The following IGSF11 variants were observed in gnomAD, a reference collection of about 807,000 sequenced individuals.
The protein encoded by IGSF11 is CXADR like 1.
A neutral mutation model predicts 41.0 loss-of-function variants in IGSF11; 22 were observed. The ratio of observed to expected loss-of-function variants is 0.54; its 90% CI spans 0.38 to 0.77. The LOEUF is 0.77. Ranked by LOEUF, IGSF11 falls within the 30% of genes least tolerant of loss-of-function variation. The pLI, the probability that IGSF11 is intolerant of heterozygous loss-of-function variation, is 0.00. For synonymous variants in IGSF11, 219 were observed against 201.3 expected (o/e 1.09, Z -0.74); for missense variants, 444 against 530.8 (o/e 0.84, Z 1.61).
At chr3:119,132,146 A>G in intron 1 of IGSF11, among the ~76,000 whole-genome samples, 1 of 152,184 alleles carries the variant, frequency 6.6e-6, no homozygotes, top group East Asian at 1.9e-4. Flanking sequence ...GTATCAATTA[A>G]TGGAAAAAAT....
At chr3:118,963,537 T>C (rs756870480) in intron 1 of IGSF11, among the ~76,000 whole-genome samples, 2 of 152,132 alleles carry the variant, frequency 1.3e-5, no homozygotes, top group Non-Finnish European at 2.9e-5. Context: ...TGTTCATAGA[T>C]AGCTAAGAGA....
At chr3:118,987,904 A>G (rs1213537639) in intron 1 of IGSF11, among the ~76,000 whole-genome samples, 1 of 152,236 alleles carries the variant, frequency 6.6e-6, no homozygotes, top group African/African-American at 2.4e-5. Context: ...ACACATGCAT[A>G]TGACTGATCA....
chr3:118,908,133 C>G (rs1939840607), intron 4 of IGSF11, among the ~76,000 whole-genome samples: 1 of 152,126 alleles, frequency 6.6e-6, no homozygotes, highest in African/African-American at 2.4e-5. Context: ...ATTTTGTTGA[C>G]ATTTCCAGAG....
At chr3:119,007,559 T>C (rs1937588191) in intron 1 of IGSF11, among the ~76,000 whole-genome samples, 1 of 152,166 alleles carries the variant, frequency 6.6e-6, no homozygotes, top group Non-Finnish European at 1.5e-5. Context: ...TCATTTTTTA[T>C]CTTTATTAGA....
chr3:119,076,768 GC>G lies in IGSF11; in HGVS notation c.49+28375del, dbSNP rs1269778290. ...ATTAAAAAGTCAGGAAACAACAGGT[GC>G]TGGAGAGGATGTGGAGAAATAGGAA... On this transcript the variant is annotated intron_variant, in intron 1 of 6. Transcript: ENST00000354673. Among the ~76,000 whole-genome samples the G allele has an allele frequency of 1.1e-4, 17 of 152,052 alleles. No homozygotes were observed. The East Asian group carries it at 3.3e-3, about 29-fold the overall frequency.
chr3:119,091,381 C>G (rs1359692704), intron 1 of IGSF11, among the ~76,000 whole-genome samples: 1 of 152,200 alleles, frequency 6.6e-6, no homozygotes, highest in Non-Finnish European at 1.5e-5. Flanking sequence ...ACAGATACTT[C>G]TGCCAAAAAG....
chr3:118,945,957 C>T (rs1176036705), intron 1 of IGSF11: 1 of 151,984 alleles, frequency 6.6e-6, no homozygotes, highest in Non-Finnish European at 1.5e-5. Flanking sequence ...TAGCATCAAA[C>T]CATCTTCCCG....
At position 118,973,747 on chromosome 3, in the gene IGSF11, G is replaced by A. The variant is rs1933719505; in HGVS notation, c.53-43472C>T. ...ATTTAAGACTTAGAGAACCAAGGAGGTTTCCAAACAAGAGCAATCATATGT... is the reference window on the plus strand; with the variant it reads ...ATTTAAGACTTAGAGAACCAAGGAGATTTCCAAACAAGAGCAATCATATGT... On this transcript the variant is annotated intron_variant, in intron 1 of 6. Transcript: ENST00000393775. 2.0e-5 allele frequency among the ~76,000 whole-genome samples: 3 copies of A among 152,192 alleles called. No homozygotes were observed. In the South Asian group the frequency reaches 6.2e-4, roughly 32 times the overall value.
At chr3:119,042,583 C>A (rs1343471344) in intron 1 of IGSF11, among the ~76,000 whole-genome samples, 1 of 152,108 alleles carries the variant, frequency 6.6e-6, no homozygotes, top group Non-Finnish European at 1.5e-5. Flanking sequence ...GCCTGGGAAC[C>A]ACCTCCTACC....
chr3:118,970,245 C>A (rs555972337), intron 1 of IGSF11, among the ~76,000 whole-genome samples: 1 of 152,078 alleles, frequency 6.6e-6, no homozygotes, highest in Non-Finnish European at 1.5e-5. Context: ...AAGAGATATG[C>A]TACGTTTGTC....
At chr3:119,106,213 C>G (rs76099427), upstream of IGSF11, among the ~76,000 whole-genome samples, 5,631 of 152,186 alleles carry the variant, frequency 0.037, 151 homozygotes, top group East Asian at 0.067. Flanking sequence ...TCAAACAATC[C>G]ATTTATACTT....
intron 1 of IGSF11, among the ~76,000 whole-genome samples, chr3:119,018,442 C>T (rs543784389): frequency 1.3e-5 from 2 of 152,328 alleles, no homozygotes; most frequent in South Asian, 4.1e-4. Flanking sequence ...AAAATCACCA[C>T]AAAGGTAAAT....
At chr3:119,006,503 C>G (rs1249726380) in intron 1 of IGSF11, among the ~76,000 whole-genome samples, 1 of 131,528 alleles carries the variant, frequency 7.6e-6, no homozygotes, top group Non-Finnish European at 1.6e-5. Flanking sequence ...TCCGTTGCTG[C>G]TGAGGAACTG....
chr3:118,930,059 C>T (rs749795105), intron 2 of IGSF11, 53 bp downstream of exon 2: 4 of 1,538,370 alleles, frequency 2.6e-6, no homozygotes, highest in Non-Finnish European at 1.8e-6. Flanking sequence ...CCCTACCAAC[C>T]TCCTCTGAAA....
intron 1 of IGSF11, among the ~76,000 whole-genome samples, chr3:119,032,293 T>C (rs532974888): frequency 2.0e-5 from 3 of 152,310 alleles, no homozygotes; most frequent in African/African-American, 7.2e-5. Context: ...TTGAAAATTC[T>C]GGGGATGAGC....
intron 1 of IGSF11, among the ~76,000 whole-genome samples, chr3:119,104,073 C>T (rs1559869047): frequency 6.6e-6 from 1 of 152,164 alleles, no homozygotes; most frequent in East Asian, 1.9e-4. Flanking sequence ...ACCGTATTTA[C>T]TTAGCCATTT....
intron 4 of IGSF11, among the ~76,000 whole-genome samples, chr3:118,914,613 G>T (rs1335929061): frequency 6.7e-6 from 1 of 149,002 alleles, no homozygotes; most frequent in Admixed American, 6.7e-5. Context: ...CTACGCCCAC[G>T]GAGTCTCGCT....
chr3:119,049,375 T>G (rs944200529), intron 1 of IGSF11, among the ~76,000 whole-genome samples: 3 of 151,956 alleles, frequency 2.0e-5, no homozygotes, highest in Non-Finnish European at 4.4e-5. Context: ...GAGAGCCAAA[T>G]CATGAGTGAA....
At chr3:119,133,309 A>C (rs1204642165) in intron 1 of IGSF11, among the ~76,000 whole-genome samples, 1 of 152,192 alleles carries the variant, frequency 6.6e-6, no homozygotes, top group Non-Finnish European at 1.5e-5. Context: ...AACAAAATTG[A>C]TAGAACGCTA....
Sources: gnomAD v4.1 joint callset for allele counts (sites outside exome capture counted in the v4.1 genomes callset) on GRCh38, gnomAD v4.1.1 for gene constraint, MANE v1.5 for transcripts, NCBI Gene and HGNC (gene_info 2026-07-23, HGNC 2026-07-21) for gene names.